The following PRDM14 variants were observed in gnomAD, a reference collection of about 807,000 sequenced individuals.
PRDM14 encodes the protein PR domain zinc finger protein 14.
PRDM14 carries 16 observed loss-of-function variants against 48.0 expected under a neutral mutation model. The ratio of observed to expected loss-of-function variants is 0.33; its 90% CI spans 0.23 to 0.51. PRDM14 has a LOEUF of 0.51. Ranked by LOEUF, PRDM14 falls within the 20% of genes least tolerant of loss-of-function variation. The pLI, the probability that PRDM14 is intolerant of heterozygous loss-of-function variation, is 0.97. For missense variants in PRDM14, 566 were observed against 719.6 expected, an observed-to-expected ratio of 0.79 and a Z score of 2.44; for synonymous variants, 264 against 276.6, an observed-to-expected ratio of 0.95 and a Z score of 0.45.
At chr8:70,066,187 C>T in intron 5 of PRDM14, 48 bp downstream of exon 5, 3 of 1,579,746 alleles carry the variant, frequency 1.9e-6, no homozygotes, top group Non-Finnish European at 2.6e-6. Flanking sequence ...AGAGCCCAGT[C>T]CTTCTACTGG....
rs1278278618 is a variant in PRDM14 at position 70,069,808 on chromosome 8, G to A, written c.53C>T (p.Pro18Leu). The A allele has an allele frequency of 1.9e-6, 3 of 1,609,882 alleles. No homozygotes were observed. Among genetic ancestry groups the A allele is most frequent in the South Asian group, 1.1e-5 (1 of 90,146 alleles). Reference sequence around the variant, plus strand: ...CAGGTTCTGCGGGCTGCTCTCCGGCGGGTAGCACACCTTGTCCTGAGGCAC... The same window carrying A: ...CAGGTTCTGCGGGCTGCTCTCCGGCAGGTAGCACACCTTGTCCTGAGGCAC... The part of the protein sequence containing the change: ...EAVPQDKVCY[P>L]PESSPQNLAA... Residue 18 changes from proline (P) to leucine (L), a missense_variant, in exon 2 of 8, where the codon CCG becomes CTG. Physicochemically the swap from Pro to Leu is moderately conservative, Grantham distance 98. Coordinates refer to ENST00000276594, the MANE Select transcript of PRDM14 (RefSeq NM_024504.4).
chr8:70,066,560 T>C lies in PRDM14; in HGVS notation c.913-55A>G, dbSNP rs79764744. On this transcript the variant is annotated intron_variant, in intron 4 of 7. Transcript: ENST00000276594. ...TGTACTTCTTTTTTGGTCTAATCTA[T>C]AAAATAAATTTTTTAATACTTGTAA... 4,510 of 1,438,238 alleles carry C rather than the reference T, an allele frequency of 3.1e-3. 94 individuals carry two copies. The African/African-American group carries it at 0.046, about 15-fold the overall frequency. 89.1% of individuals were successfully genotyped at this position (1,438,238 alleles called of 1,614,324 possible).
chr8:70,060,330 T>G (rs1056109340), intron 5 of PRDM14, among the ~76,000 whole-genome samples: 1 of 150,814 alleles, frequency 6.6e-6, no homozygotes, highest in East Asian at 2.0e-4. Flanking sequence ...GGGAAGTTAG[T>G]TGAGGCTGCA....
Position 70,052,257 on chromosome 8 carries a change from G to A in PRDM14, c.1536C>T (p.Ser512=), listed in dbSNP as rs142678468. The A allele has an allele frequency of 1.1e-5, 17 of 1,614,068 alleles. No homozygotes were observed. The highest frequency in any genetic ancestry group is 2.7e-5 in the African/African-American group (2 of 74,938). ...ACTTGCATTTGAAGGGCTTCTCCCCGGAGTGCTGCCTGATGTGTGTGCGGA... is the reference window on the plus strand; with the variant it reads ...ACTTGCATTTGAAGGGCTTCTCCCCAGAGTGCTGCCTGATGTGTGTGCGGA... The part of the protein sequence containing the change: ...SILRTHIRQH[S]GEKPFKCKYC... Residue 512 remains serine (S), a synonymous_variant, in exon 8 of 8, where the codon TCC becomes TCT. Coordinates refer to ENST00000276594, the MANE Select transcript of PRDM14 (RefSeq NM_024504.4).
At position 70,069,758 on chromosome 8, in the gene PRDM14, A is replaced by G. The variant is rs1397782512; in HGVS notation, c.103T>C (p.Ser35Pro). The G allele has an allele frequency of 1.9e-6, 3 of 1,608,152 alleles. No homozygotes were observed. The highest frequency in any genetic ancestry group is 1.7e-6 in the Non-Finnish European group (2 of 1,177,836). The part of the protein sequence containing the change: ...NLAAYYTPFP[S>P]YGHYRNSLAT... ...AGGCTGTTTCTGTAGTGTCCATAGG[A>G]CGGGAAAGGCGTGTAGTACGCGGCC... Residue 35 changes from serine (S) to proline (P), a missense_variant, in exon 2 of 8, where the codon TCC (serine) becomes CCC (proline). This residue lies in a region of PRDM14 where 410 missense variants were observed against 424.6 expected (regional missense o/e 0.97). Transcript: ENST00000276594.
At chr8:70,067,765 C>T (rs1196706968) in intron 4 of PRDM14, among the ~76,000 whole-genome samples, 4 of 151,838 alleles carry the variant, frequency 2.6e-5, no homozygotes, top group Non-Finnish European at 5.9e-5. Context: ...TAATAAACTG[C>T]AGTCCCACTA....
chr8:70,058,251 CA>C (rs1427553411), intron 6 of PRDM14, among the ~76,000 whole-genome samples: 2 of 152,216 alleles, frequency 1.3e-5, no homozygotes, highest in Non-Finnish European at 2.9e-5. Context: ...CCCAGGAGCA[CA>C]TGCCAGGCTC....
chr8:70,070,687 C>A (rs1440654798), intron 1 of PRDM14, among the ~76,000 whole-genome samples: 1 of 152,070 alleles, frequency 6.6e-6, no homozygotes, highest in African/African-American at 2.4e-5. Flanking sequence ...CTGGGGTAGC[C>A]CCTCGGGAGC....
At chr8:70,055,507 TTC>T (rs1003972538) in intron 6 of PRDM14, 106 bp from the exon 7 acceptor site, 4 of 586,074 alleles carry the variant, frequency 6.8e-6, no homozygotes, top group East Asian at 3.1e-5. Context: ...TCCAATTTTT[TTC>T]TTTTTTTTTT....
intron 6 of PRDM14, among the ~76,000 whole-genome samples, chr8:70,056,628 C>T (rs940572091): frequency 9.2e-5 from 14 of 151,772 alleles, no homozygotes; most frequent in African/African-American, 3.1e-4. Flanking sequence ...ACCACAGGTG[C>T]GCACCACATG....
chr8:70,069,680 A>G lies in PRDM14; in HGVS notation c.181T>C (p.Ser61Pro). The change falls in exon 2 of 8, where the codon TCT (serine) becomes CCT (proline). Residue 61 changes from serine (S) to proline (P), a missense_variant. Ser to Pro is a moderately conservative substitution (Grantham distance 74). Coordinates refer to ENST00000276594, the MANE Select transcript of PRDM14 (RefSeq NM_024504.4). ...QPFRQLEAAASAAPAMPPFPF... is the reference protein window; with the variant it reads ...QPFRQLEAAAPAAPAMPPFPF... ...AAGGGGGGCATGGCGGGGGCAGCAG[A>G]CGCTGCGGCCTCCAGCTGCCGGAAA... The G allele has an allele frequency of 6.4e-7, 1 of 1,551,366 alleles. No individual in the cohort carries two copies. Among genetic ancestry groups the G allele is most frequent in the Non-Finnish European group, 8.7e-7 (1 of 1,148,800 alleles).
intron 6 of PRDM14, among the ~76,000 whole-genome samples, chr8:70,055,724 G>A (rs898230547): frequency 6.6e-6 from 1 of 152,046 alleles, no homozygotes; most frequent in Admixed American, 6.6e-5. Context: ...GCCCAGCCTT[G>A]TCTTGAACTC....
chr8:70,067,229 T>C (rs886992068), intron 4 of PRDM14, among the ~76,000 whole-genome samples: 5 of 152,214 alleles, frequency 3.3e-5, no homozygotes, highest in African/African-American at 1.2e-4. Flanking sequence ...CTATAGATTA[T>C]TTCTTTCAAG....
rs189900203 is a variant in PRDM14, at chr8:70,055,484, A to G, written c.1387-83T>C. 4.2e-4 allele frequency: 316 copies of G among 753,782 alleles called. No individual in the cohort carries two copies. In the African/African-American group the frequency reaches 5.0e-3, roughly 12 times the overall value. The allele number at this position is 753,782 out of a possible 1,614,324, so 46.7% of individuals were successfully genotyped here. A position where few individuals can be genotyped will look rare whatever the true frequency, so the allele number is the denominator to read the frequency against. On this transcript the variant is annotated intron_variant, in intron 6 of 7. Coordinates refer to ENST00000276594, the MANE Select transcript of PRDM14 (RefSeq NM_024504.4). The stretch of plus-strand genomic sequence containing the variant: ...CAACCTTGCGTTTACCTGGGGTTAG[A>G]GAAGAACTCTTTTCCAATTTTTTTC...
At chr8:70,064,350 C>T (rs1041524946) in intron 5 of PRDM14, among the ~76,000 whole-genome samples, 2 of 151,972 alleles carry the variant, frequency 1.3e-5, no homozygotes, top group African/African-American at 2.4e-5. Context: ...CCCTCTTACA[C>T]GTGCCTTATT....
intron 7 of PRDM14, among the ~76,000 whole-genome samples, chr8:70,052,514 G>C (rs1805405137): frequency 6.6e-6 from 1 of 152,138 alleles, no homozygotes; most frequent in Non-Finnish European, 1.5e-5. Context: ...AGAAGCACTG[G>C]ATGTTAGAAC....
At position 70,068,259 on chromosome 8, in the gene PRDM14, TCTTCA is replaced by T; in HGVS notation, c.878_882del (p.Val293AspfsTer13). 6.2e-7 allele frequency: 1 copy of T among 1,614,180 alleles called. No individual in the cohort carries two copies. The highest frequency in any genetic ancestry group is 8.5e-7 in the Non-Finnish European group (1 of 1,180,032). The stretch of plus-strand genomic sequence containing the variant: ...CACATCACAGAATTGTCTCCGTAGG[TCTTCA>T]CTTCACTGGCATTGACCACTTTACC... On this transcript the variant is annotated frameshift_variant, in exon 4 of 8. Transcript: ENST00000276594. LOFTEE classifies it high-confidence loss of function.
Position 70,051,995 on chromosome 8 carries a change from A to G in PRDM14, c.*82T>C, listed in dbSNP as rs1805392919. On this transcript the variant is annotated 3_prime_UTR_variant, in exon 8 of 8. Coordinates refer to ENST00000276594, the MANE Select transcript of PRDM14 (RefSeq NM_024504.4). ...CACCATGTTGCCCAGGCTGGTCTCG[A>G]ACTCCTGGACTTGAGTGATCCACCC... The G allele has an allele frequency of 1.0e-6, 1 of 953,026 alleles. No homozygotes were observed. The highest frequency in any genetic ancestry group is 2.4e-5 in the East Asian group (1 of 40,916). 59.0% of individuals were successfully genotyped at this position (953,026 alleles called of 1,614,324 possible).
Position 70,069,107 on chromosome 8 carries a change from T to A in PRDM14, c.700+54A>T, listed in dbSNP as rs937983373. On this transcript the variant is annotated intron_variant, in intron 2 of 7. Transcript: ENST00000276594. ...AGCGCCTCTTCCCGGACACTCCCGTTCCCGCCTGCATTCCCGTCCAATTCG... is the reference window on the plus strand; with the variant it reads ...AGCGCCTCTTCCCGGACACTCCCGTACCCGCCTGCATTCCCGTCCAATTCG... 12 of 1,381,366 alleles carry A rather than the reference T, an allele frequency of 8.7e-6. No homozygotes were observed. The Admixed American group carries it at 3.1e-4, about 36-fold the overall frequency. The allele number at this position is 1,381,366 out of a possible 1,614,324, so 85.6% of individuals were successfully genotyped here. A position where few individuals can be genotyped will look rare whatever the true frequency, so the allele number is the denominator to read the frequency against.
Sources: allele counts gnomAD v4.1 joint callset (sites outside exome capture counted in the v4.1 genomes callset), GRCh38; gene constraint gnomAD v4.1.1; regional missense constraint gnomAD v4.1.1; transcripts MANE v1.5; gene names NCBI Gene and HGNC (gene_info 2026-07-23, HGNC 2026-07-21).